Variants in LPP observed in about 807,000 individuals in gnomAD.
LPP encodes the protein LIM domain containing preferred translocation partner in lipoma.
In LPP, 38 loss-of-function variants were observed where a neutral mutation model predicts 60.4. That is an observed-to-expected ratio of 0.63 (90% CI 0.49 to 0.83). The LOEUF (loss-of-function observed/expected upper bound fraction) is 0.83. Ranked by LOEUF, LPP falls within the 40% of genes least tolerant of loss-of-function variation. The pLI is 0.00. For synonymous variants in LPP, 328 were observed against 290.8 expected (o/e 1.13, Z -1.30); for missense variants, 902 against 783.6 (o/e 1.15, Z -1.80).
chr3:188,211,170 T>C (rs1734592772), intron 1 of LPP, among the ~76,000 whole-genome samples: 1 of 152,146 alleles, frequency 6.6e-6, no homozygotes, highest in African/African-American at 2.4e-5. Context: ...TCTGCCTAAT[T>C]TGTAAATGAA....
intron 9 of LPP, among the ~76,000 whole-genome samples, chr3:188,846,548 G>A (rs1044520633): frequency 1.3e-5 from 2 of 152,034 alleles, no homozygotes; most frequent in African/African-American, 4.8e-5. Flanking sequence ...GGCGGGCATG[G>A]TGGCGGGCAC....
chr3:188,710,366 T>C (rs1049275527), intron 8 of LPP: 7 of 152,202 alleles, frequency 4.6e-5, no homozygotes, highest in African/African-American at 1.7e-4. Flanking sequence ...ATGTCACCCA[T>C]CTGCCTGAGC....
chr3:188,836,611 C>T (rs1343281923), intron 9 of LPP, among the ~76,000 whole-genome samples: 1 of 152,184 alleles, frequency 6.6e-6, no homozygotes, highest in Non-Finnish European at 1.5e-5. Context: ...AGTTTGATTC[C>T]GTGAGCTGCT....
At chr3:188,287,398 C>A (rs1744306871) in intron 2 of LPP, among the ~76,000 whole-genome samples, 1 of 152,208 alleles carries the variant, frequency 6.6e-6, no homozygotes, top group African/African-American at 2.4e-5. Flanking sequence ...GGCAAGGTCA[C>A]ACATCGAGGA....
chr3:188,276,889 CTTTTCTTTT>C (rs1465494220), intron 2 of LPP, among the ~76,000 whole-genome samples: 21 of 60,172 alleles, frequency 3.5e-4, no homozygotes, highest in East Asian at 7.1e-4. Flanking sequence ...CACTTCTTTT[CTTTTCTTTT>C]TTTTTTTTTT....
chr3:188,752,140 A>C (rs1728290138), intron 8 of LPP, among the ~76,000 whole-genome samples: 1 of 152,284 alleles, frequency 6.6e-6, no homozygotes, highest in South Asian at 2.1e-4. Context: ...TCTAGATGTT[A>C]CCTCCTCCGA....
chr3:188,583,318 G>C (rs1466325090), intron 6 of LPP, among the ~76,000 whole-genome samples: 1 of 152,072 alleles, frequency 6.6e-6, no homozygotes, highest in East Asian at 1.9e-4. Context: ...GTCACACACT[G>C]CCTTTGCTCT....
intron 1 of LPP, among the ~76,000 whole-genome samples, chr3:188,209,174 T>C (rs1478268916): frequency 1.3e-5 from 2 of 152,178 alleles, no homozygotes; most frequent in Admixed American, 1.3e-4. Flanking sequence ...AAACCAGTGT[T>C]TCTTTTGCTC....
At chr3:188,846,683 C>CAAAAA (rs34230552) in intron 9 of LPP, among the ~76,000 whole-genome samples, 3 of 84,618 alleles carry the variant, frequency 3.5e-5, no homozygotes, top group South Asian at 4.1e-4. Flanking sequence ...GATTCCATCT[C>CAAAAA]AAAAAAAAAA....
chr3:188,378,880 A>G (rs1020079609), intron 3 of LPP, among the ~76,000 whole-genome samples: 1 of 151,974 alleles, frequency 6.6e-6, no homozygotes, highest in Non-Finnish European at 1.5e-5. Flanking sequence ...CAGACATATC[A>G]TTTTCATTCC....
At chr3:188,722,642 A>G (rs73196767) in intron 8 of LPP, among the ~76,000 whole-genome samples, 1 of 152,348 alleles carries the variant, frequency 6.6e-6, no homozygotes, top group Non-Finnish European at 1.5e-5. Flanking sequence ...GTCAGAAGTT[A>G]AAACCAAATT....
chr3:188,634,087 A>G (rs1848300384), intron 7 of LPP, among the ~76,000 whole-genome samples: 1 of 152,252 alleles, frequency 6.6e-6, no homozygotes, highest in South Asian at 2.1e-4. Flanking sequence ...ATAGTTACAT[A>G]AACCTTAATA....
At chr3:188,844,343 G>A (rs1427536887) in intron 9 of LPP, among the ~76,000 whole-genome samples, 1 of 152,176 alleles carries the variant, frequency 6.6e-6, no homozygotes, top group Admixed American at 6.5e-5. Context: ...AGGACTCAAC[G>A]TATTTAATAC....
Position 188,441,614 on chromosome 3 carries a change from T to C in LPP, c.193+35301T>C, listed in dbSNP as rs796670253. 2.7e-3 allele frequency among the ~76,000 whole-genome samples: 221 copies of C among 82,114 alleles called. 20 individuals carry two copies. Among genetic ancestry groups the C allele is most frequent in the African/African-American group, 4.6e-3 (62 of 13,410 alleles). The allele number at this position is 82,114 out of a possible 152,430, so 53.9% of individuals were successfully genotyped here. A position where few individuals can be genotyped will look rare whatever the true frequency, so the allele number is the denominator to read the frequency against. ...TTCTTTTTTTCTTTTCTTTTCTTTT[T>C]TTTTTTTTTTTTTTTTTTTTTTTTG... On this transcript the variant is annotated intron_variant, in intron 4 of 11. Transcript: ENST00000617246.
chr3:188,367,345 A>G (rs1771511994), intron 3 of LPP, among the ~76,000 whole-genome samples: 1 of 152,202 alleles, frequency 6.6e-6, no homozygotes, highest in South Asian at 2.1e-4. Flanking sequence ...CTTCTTCTAC[A>G]TTCCAAGAAA....
intron 3 of LPP, among the ~76,000 whole-genome samples, chr3:188,399,242 A>G (rs1781674505): frequency 6.6e-6 from 1 of 152,224 alleles, no homozygotes; most frequent in African/African-American, 2.4e-5. Context: ...CTGAGATGTG[A>G]ACAATAATGG....
intron 6 of LPP, among the ~76,000 whole-genome samples, chr3:188,563,293 A>G (rs1006219068): frequency 1.3e-5 from 2 of 151,932 alleles, no homozygotes; most frequent in African/African-American, 4.8e-5. Flanking sequence ...AACGGATTTC[A>G]GCAGTGAGAA....
At chr3:188,201,700 C>G (rs1184621148) in intron 1 of LPP, among the ~76,000 whole-genome samples, 1 of 152,030 alleles carries the variant, frequency 6.6e-6, no homozygotes, top group Non-Finnish European at 1.5e-5. Context: ...GAGTGAGATT[C>G]CATCTCAATA....
chr3:188,286,046 C>T lies in LPP; in HGVS notation c.-66-55617C>T, dbSNP rs1387003984. 5.9e-5 allele frequency among the ~76,000 whole-genome samples: 9 copies of T among 152,154 alleles called. No individual in the cohort carries two copies. The East Asian group carries it at 9.7e-4, about 16-fold the overall frequency. On this transcript the variant is annotated intron_variant, in intron 2 of 11. Coordinates refer to ENST00000617246, the MANE Select transcript of LPP (RefSeq NM_001375462.1). ...TTGAAAAGACCCACTTATATGGAGG[C>T]GGAAATGGGCTTATAGAGGGAAGTG... is the stretch of plus-strand genomic sequence containing the variant.
Sources: gnomAD v4.1 joint callset for allele counts (sites outside exome capture counted in the v4.1 genomes callset) on GRCh38, gnomAD v4.1.1 for gene constraint, MANE v1.5 for transcripts, NCBI Gene and HGNC (gene_info 2026-07-23, HGNC 2026-07-21) for gene names.